Variants in SLC4A10 observed in about 807,000 individuals in gnomAD.
SLC4A10 encodes solute carrier family 4 member 10, also known as sodium-driven chloride bicarbonate exchanger.
Under a neutral mutation model 137.7 loss-of-function variants are expected in SLC4A10, and 42 were observed. That is an observed-to-expected ratio of 0.30 (90% CI 0.24 to 0.39). The LOEUF (loss-of-function observed/expected upper bound fraction) is 0.39, where lower values mean the gene tolerates loss of function less well. Among genes scored for constraint, SLC4A10 ranks in the 10% least tolerant of loss-of-function variants. SLC4A10 has a pLI of 1.00. For synonymous variants in SLC4A10, 474 were observed against 464.1 expected, an observed-to-expected ratio of 1.02 and a Z score of -0.27; for missense variants, 925 against 1,355.0, an observed-to-expected ratio of 0.68 and a Z score of 4.98.
chr2:161,629,792 A>T (rs768286722), intron 1 of SLC4A10, among the ~76,000 whole-genome samples: 2 of 151,842 alleles, frequency 1.3e-5, no homozygotes, highest in Non-Finnish European at 2.9e-5. Context: ...TATAGTTGGA[A>T]TCACAGTACA....
At chr2:161,820,238 T>C (rs994413565) in intron 3 of SLC4A10, among the ~76,000 whole-genome samples, 3 of 152,224 alleles carry the variant, frequency 2.0e-5, no homozygotes, top group African/African-American at 7.2e-5. Context: ...AATTTTTTGA[T>C]GGACAGTGGC....
chr2:161,899,191 CCT>C (rs796495959), intron 11 of SLC4A10, among the ~76,000 whole-genome samples: 7 of 152,196 alleles, frequency 4.6e-5, no homozygotes, highest in African/African-American at 1.7e-4. Flanking sequence ...TACCAATTCT[CCT>C]CTTTCTCTTC....
intron 1 of SLC4A10, among the ~76,000 whole-genome samples, chr2:161,705,298 C>A (rs574845857): frequency 6.6e-6 from 1 of 151,386 alleles, no homozygotes; most frequent in Non-Finnish European, 1.5e-5. Context: ...TAATAACTGA[C>A]CTTGGGTATG....
chr2:161,825,706 T>G (rs2057972981), intron 3 of SLC4A10, among the ~76,000 whole-genome samples: 1 of 152,222 alleles, frequency 6.6e-6, no homozygotes, highest in Non-Finnish European at 1.5e-5. Flanking sequence ...AATGCAGCAA[T>G]GTCAGCCATC....
chr2:161,733,433 A>T (rs2047011449), intron 1 of SLC4A10, among the ~76,000 whole-genome samples: 1 of 152,246 alleles, frequency 6.6e-6, no homozygotes, highest in Non-Finnish European at 1.5e-5. Context: ...GCAGGTGCAC[A>T]AAAGTCAAGA....
chr2:161,845,508 C>T (rs1010732297), intron 4 of SLC4A10, among the ~76,000 whole-genome samples: 1 of 152,006 alleles, frequency 6.6e-6, no homozygotes, highest in African/African-American at 2.4e-5. Context: ...GTTTGGAACT[C>T]CCTGAAGTTC....
chr2:161,691,071 C>A (rs1333021284), intron 1 of SLC4A10, among the ~76,000 whole-genome samples: 1 of 152,046 alleles, frequency 6.6e-6, no homozygotes, highest in African/African-American at 2.4e-5. Flanking sequence ...TAGGTACATA[C>A]ATATCTTTTG....
chr2:161,835,685 A>T (rs920536287), intron 3 of SLC4A10, among the ~76,000 whole-genome samples: 1 of 152,192 alleles, frequency 6.6e-6, no homozygotes, highest in African/African-American at 2.4e-5. Context: ...CAGTTCATGG[A>T]CTAACGTTTT....
intron 1 of SLC4A10, among the ~76,000 whole-genome samples, chr2:161,651,645 G>A (rs1460873915): frequency 2.6e-5 from 4 of 152,198 alleles, no homozygotes; most frequent in African/African-American, 7.2e-5. Context: ...GTGGGTGCCC[G>A]CAGCAGAGGC....
At chr2:161,836,530 GAGAAAGAAAGAAAGAAAGAA>G (rs71009343) in intron 3 of SLC4A10, among the ~76,000 whole-genome samples, 2,851 of 79,154 alleles carry the variant, frequency 0.036, 83 homozygotes, top group Middle Eastern at 0.098. Flanking sequence ...GAGAGAGAGA[GAGAAAGAAAGAAAGAAAGAA>G]AGAAAGAAAG....
chr2:161,822,612 C>T (rs2125697332), intron 3 of SLC4A10, among the ~76,000 whole-genome samples: 1 of 152,190 alleles, frequency 6.6e-6, no homozygotes, highest in Non-Finnish European at 1.5e-5. Flanking sequence ...CTGTGCAGGT[C>T]CACTTACACA....
At chr2:161,873,530 C>CAAAAAAAAA (rs759717096) in intron 7 of SLC4A10, among the ~76,000 whole-genome samples, 14 of 17,326 alleles carry the variant, frequency 8.1e-4, no homozygotes, top group Non-Finnish European at 1.3e-3. Flanking sequence ...GACCACATCT[C>CAAAAAAAAA]AAAAAAAAAA....
At chr2:161,962,128 A>G (rs560153373) in intron 21 of SLC4A10, among the ~76,000 whole-genome samples, 30 of 152,344 alleles carry the variant, frequency 2.0e-4, no homozygotes, top group African/African-American at 7.2e-4. Flanking sequence ...GTCTTACCCT[A>G]TTGAAGGAAT....
chr2:161,855,946 A>G (rs1345365224), intron 5 of SLC4A10, among the ~76,000 whole-genome samples: 1 of 152,104 alleles, frequency 6.6e-6, no homozygotes, highest in South Asian at 2.1e-4. Context: ...TAATATCTTA[A>G]TCATATTGTA....
intron 3 of SLC4A10, among the ~76,000 whole-genome samples, chr2:161,834,408 A>G (rs992330546): frequency 6.6e-6 from 1 of 152,128 alleles, no homozygotes; most frequent in East Asian, 1.9e-4. Flanking sequence ...AATTATAGCT[A>G]CCGGAATGGA....
At chr2:161,756,719 A>G (rs909246946) in intron 1 of SLC4A10, among the ~76,000 whole-genome samples, 1 of 152,180 alleles carries the variant, frequency 6.6e-6, no homozygotes, top group Non-Finnish European at 1.5e-5. Flanking sequence ...CTCTTGGGTC[A>G]TCACTATTTC....
intron 19 of SLC4A10, among the ~76,000 whole-genome samples, chr2:161,952,313 T>A (rs1478134437): frequency 1.3e-5 from 2 of 152,204 alleles, no homozygotes; most frequent in Non-Finnish European, 2.9e-5. Flanking sequence ...TCCTTGTTCT[T>A]CATGAGCCCT....
intron 1 of SLC4A10, among the ~76,000 whole-genome samples, chr2:161,667,690 T>C (rs1240388669): frequency 2.0e-5 from 3 of 151,638 alleles, no homozygotes; most frequent in African/African-American, 4.8e-5. Context: ...TATGTACATA[T>C]GTGTGTGTGT....
intron 2 of SLC4A10, among the ~76,000 whole-genome samples, chr2:161,784,690 T>C (rs2125496131): frequency 6.6e-6 from 1 of 151,620 alleles, no homozygotes; most frequent in Admixed American, 6.6e-5. Context: ...TTAGAAAATA[T>C]CTTGAGAGAC....
Sources: allele counts gnomAD v4.1 joint callset (sites outside exome capture counted in the v4.1 genomes callset), GRCh38; gene constraint gnomAD v4.1.1; transcripts MANE v1.5; gene names NCBI Gene and HGNC (gene_info 2026-07-23, HGNC 2026-07-21).